Variants in CDH13 observed in about 807,000 individuals in gnomAD.
CDH13 encodes cadherin 13.
A neutral mutation model predicts 63.8 loss-of-function variants in CDH13; 24 were observed. The observed-to-expected ratio is 0.38, with a 90% confidence interval of 0.27 to 0.53. The LOEUF (loss-of-function observed/expected upper bound fraction) is 0.53. Among genes scored for constraint, CDH13 ranks in the 20% least tolerant of loss-of-function variants. The pLI, the probability that CDH13 is intolerant of heterozygous loss-of-function variation, is 0.85. For synonymous variants in CDH13, 503 were observed against 355.3 expected (o/e 1.42, Z -4.67); for missense variants, 1,049 against 903.1 (o/e 1.16, Z -2.07).
chr16:82,660,472 T>A (rs1376960255), intron 1 of CDH13, among the ~76,000 whole-genome samples: 1 of 152,110 alleles, frequency 6.6e-6, no homozygotes, highest in Non-Finnish European at 1.5e-5. Context: ...GAGCACCAGT[T>A]GGTGAACGTC....
intron 1 of CDH13, among the ~76,000 whole-genome samples, chr16:82,812,101 C>T (rs2037473699): frequency 6.6e-6 from 1 of 152,112 alleles, no homozygotes; most frequent in African/African-American, 2.4e-5. Flanking sequence ...TCTATGTATT[C>T]ACACTGCTTC....
chr16:83,388,496 A>G lies in CDH13; in HGVS notation c.781+43490A>G, dbSNP rs117022604. On this transcript the variant is annotated intron_variant, in intron 6 of 13. Transcript: ENST00000567109. ...TTTTTTTGATCAACGAGATTTGATG[A>G]TATTGGACAAGTGTTTGGAGGTGGC... Among the ~76,000 whole-genome samples the G allele has an allele frequency of 6.9e-3, 1,047 of 152,146 alleles. 3 individuals are homozygous for G. Among genetic ancestry groups the G allele is most frequent in the Non-Finnish European group, 0.012 (799 of 67,990 alleles).
chr16:83,169,556 T>C (rs866774427), intron 4 of CDH13, among the ~76,000 whole-genome samples: 1 of 144,312 alleles, frequency 6.9e-6, no homozygotes, highest in Non-Finnish European at 1.5e-5. Flanking sequence ...AAAACAGTGG[T>C]AAGGTTTTTT....
At chr16:83,439,621 A>C (rs888591350) in intron 6 of CDH13, among the ~76,000 whole-genome samples, 1 of 152,212 alleles carries the variant, frequency 6.6e-6, no homozygotes, top group Admixed American at 6.5e-5. Flanking sequence ...TAGCCAGGAA[A>C]GGCGATGGCT....
At chr16:83,617,238 C>A (rs1909359414) in intron 8 of CDH13, among the ~76,000 whole-genome samples, 1 of 152,160 alleles carries the variant, frequency 6.6e-6, no homozygotes, top group South Asian at 2.1e-4. Flanking sequence ...ATTCATGCAG[C>A]AAATACTTAT....
intron 2 of CDH13, among the ~76,000 whole-genome samples, chr16:82,863,155 A>G (rs949656576): frequency 1.3e-5 from 2 of 152,214 alleles, no homozygotes; most frequent in Non-Finnish European, 2.9e-5. Flanking sequence ...AGAAAGAGAC[A>G]TAAATAGAGA....
rs528424815 is a variant in CDH13 at position 83,590,774 on chromosome 16, TCGA to T, written c.961-11675_961-11673del. Among the ~76,000 whole-genome samples the T allele has an allele frequency of 2.7e-3, 405 of 152,248 alleles. 4 individuals are homozygous for T. Among genetic ancestry groups the T allele is most frequent in the African/African-American group, 9.2e-3 (381 of 41,554 alleles). ...ATGCTAACCGAAGTGTGCCCCTAAA[TCGA>T]CGACATCAGCGTCTCCAAGAAACTT... On this transcript the variant is annotated intron_variant, in intron 7 of 13. Coordinates refer to ENST00000567109, the MANE Select transcript of CDH13 (RefSeq NM_001257.5).
intron 4 of CDH13, among the ~76,000 whole-genome samples, chr16:83,164,457 T>C (rs2037576981): frequency 6.6e-6 from 1 of 152,102 alleles, no homozygotes; most frequent in East Asian, 1.9e-4. Context: ...GTGATTTTGA[T>C]TCCTTCAAGT....
intron 7 of CDH13, among the ~76,000 whole-genome samples, chr16:83,534,024 G>T (rs1299851220): frequency 6.6e-6 from 1 of 152,168 alleles, no homozygotes; most frequent in Non-Finnish European, 1.5e-5. Context: ...GAACAATTCA[G>T]TGCCATTTAG....
intron 7 of CDH13, among the ~76,000 whole-genome samples, chr16:83,598,865 A>G (rs965477580): frequency 3.3e-5 from 5 of 152,182 alleles, no homozygotes; most frequent in African/African-American, 1.2e-4. Context: ...CTCCAAGTTT[A>G]ACAGAAAGAT....
chr16:82,816,214 C>A (rs181701621), intron 1 of CDH13, among the ~76,000 whole-genome samples: 1 of 152,140 alleles, frequency 6.6e-6, no homozygotes, highest in Non-Finnish European at 1.5e-5. Context: ...AGCCTTCCAA[C>A]AGGCACATCC....
chr16:83,574,625 G>C (rs1904940006), intron 7 of CDH13, among the ~76,000 whole-genome samples: 1 of 152,140 alleles, frequency 6.6e-6, no homozygotes, highest in Non-Finnish European at 1.5e-5. Context: ...GCATCACAGG[G>C]ATGGCATTCC....
intron 1 of CDH13, among the ~76,000 whole-genome samples, chr16:82,785,184 G>T (rs1199125166): frequency 6.6e-6 from 1 of 152,104 alleles, no homozygotes; most frequent in African/African-American, 2.4e-5. Flanking sequence ...ACATAAGATA[G>T]ATTGTTGAAA....
At chr16:83,579,838 G>A (rs1905390197) in intron 7 of CDH13, among the ~76,000 whole-genome samples, 1 of 151,952 alleles carries the variant, frequency 6.6e-6, no homozygotes, top group Non-Finnish European at 1.5e-5. Context: ...TGTGGGGGCA[G>A]AAAACTGGAC....
At chr16:83,059,019 G>C (rs967833612) in intron 3 of CDH13, among the ~76,000 whole-genome samples, 2 of 152,154 alleles carry the variant, frequency 1.3e-5, no homozygotes, top group African/African-American at 4.8e-5. Flanking sequence ...AGATTCCCGG[G>C]AAGAAAAGCC....
chr16:82,909,343 A>G (rs2041752686), intron 2 of CDH13, among the ~76,000 whole-genome samples: 1 of 151,542 alleles, frequency 6.6e-6, no homozygotes, highest in African/African-American at 2.4e-5. Context: ...AGAGGTAATT[A>G]TGTGAGGTAA....
At chr16:83,293,624 A>C (rs1027323364) in intron 5 of CDH13, among the ~76,000 whole-genome samples, 1 of 152,236 alleles carries the variant, frequency 6.6e-6, no homozygotes, top group Non-Finnish European at 1.5e-5. Context: ...AGATATATAC[A>C]TAAACCAGAA....
At chr16:83,359,337 G>T (rs1325443943) in intron 6 of CDH13, among the ~76,000 whole-genome samples, 3 of 152,170 alleles carry the variant, frequency 2.0e-5, no homozygotes, top group Admixed American at 6.6e-5. Flanking sequence ...TGGCTGTGAA[G>T]GTTCTGTGAG....
intron 1 of CDH13, among the ~76,000 whole-genome samples, chr16:82,791,823 C>CTAATAGAGCTATAACACTCACTGCATA: frequency 6.6e-6 from 1 of 152,312 alleles, no homozygotes; most frequent in South Asian, 2.1e-4. Context: ...CCCACGGCTT[C>CTAATAGAGCTATAACACTCACTGCATA]TAATAGAGCT....
Sources: allele counts gnomAD v4.1 joint callset (sites outside exome capture counted in the v4.1 genomes callset), GRCh38; gene constraint gnomAD v4.1.1; transcripts MANE v1.5; gene names NCBI Gene and HGNC (gene_info 2026-07-23, HGNC 2026-07-21).